Variants in CLYBL observed in about 807,000 individuals in gnomAD.
CLYBL encodes the protein citramalyl-CoA lyase, mitochondrial.
In CLYBL, 31 loss-of-function variants were observed where a neutral mutation model predicts 38.9. The ratio of observed to expected loss-of-function variants is 0.80; its 90% CI spans 0.60 to 1.08. The LOEUF is 1.08. Among genes scored for constraint, CLYBL ranks in the 50% least tolerant of loss-of-function variants. The pLI, the probability that CLYBL is intolerant of heterozygous loss-of-function variation, is 0.00. For missense variants in CLYBL, 434 were observed against 411.6 expected (o/e 1.05, Z -0.47); for synonymous variants, 171 against 158.6 (o/e 1.08, Z -0.59).
chr13:99,715,246 C>T (rs2048294627), intron 1 of CLYBL, among the ~76,000 whole-genome samples: 1 of 152,140 alleles, frequency 6.6e-6, no homozygotes, highest in Non-Finnish European at 1.5e-5. Context: ...TTCACTCAGC[C>T]CGTTTCAGCT....
At chr13:99,890,954 C>T (rs2052473664) in intron 7 of CLYBL, among the ~76,000 whole-genome samples, 1 of 152,072 alleles carries the variant, frequency 6.6e-6, no homozygotes, top group South Asian at 2.1e-4. Flanking sequence ...AATCAGTTGC[C>T]AGAATATATT....
chr13:99,622,996 C>T (rs1251575613), intron 1 of CLYBL, among the ~76,000 whole-genome samples: 1 of 152,110 alleles, frequency 6.6e-6, no homozygotes, highest in African/African-American at 2.4e-5. Flanking sequence ...CCACACCTGG[C>T]TCATTTTTTA....
chr13:99,882,836 G>A (rs1458065679), intron 7 of CLYBL, among the ~76,000 whole-genome samples: 3 of 152,078 alleles, frequency 2.0e-5, no homozygotes, highest in Non-Finnish European at 4.4e-5. Context: ...TAGTTGCCAA[G>A]ACAATCTTCC....
chr13:99,801,447 T>TC (rs1402615137), intron 2 of CLYBL, among the ~76,000 whole-genome samples: 2 of 151,848 alleles, frequency 1.3e-5, no homozygotes, highest in Admixed American at 1.3e-4. Context: ...GGATTTTTTT[T>TC]TTATCAGCCT....
In CLYBL at chr13:99,869,138, G is replaced by A. The variant is rs562018015; in HGVS notation, c.803-1800G>A. On this transcript the variant is annotated intron_variant, in intron 6 of 8. Transcript: ENST00000339105. This position sits in a 1 kb window ranked among gnomAD's most constrained non-coding sequence, Gnocchi z 4.3. ...ACAAAAGAGAACTTCACATATGAACGTTCACACATTTCTAAAACCTAACAT... is the reference window on the plus strand; with the variant it reads ...ACAAAAGAGAACTTCACATATGAACATTCACACATTTCTAAAACCTAACAT... Among the ~76,000 whole-genome samples, 5 of 152,096 alleles carry A rather than the reference G, an allele frequency of 3.3e-5. No individual in the cohort carries two copies. The highest frequency in any genetic ancestry group is 6.5e-5 in the Admixed American group (1 of 15,268).
At chr13:99,753,817 G>A (rs1256321421) in intron 1 of CLYBL, among the ~76,000 whole-genome samples, 2 of 152,040 alleles carry the variant, frequency 1.3e-5, no homozygotes, top group African/African-American at 2.4e-5. Context: ...GGCCGGGCGC[G>A]GTGGCTCATG....
chr13:99,655,480 T>C (rs938933469), intron 1 of CLYBL, among the ~76,000 whole-genome samples: 1 of 152,228 alleles, frequency 6.6e-6, no homozygotes, highest in Non-Finnish European at 1.5e-5. Flanking sequence ...CTCTAGTTGC[T>C]GGGACAGAAA....
chr13:99,708,045 G>T (rs760860644), intron 1 of CLYBL, among the ~76,000 whole-genome samples: 1 of 152,068 alleles, frequency 6.6e-6, no homozygotes, highest in Non-Finnish European at 1.5e-5. Context: ...TTGAAGTGGC[G>T]CAATCTCAGC....
downstream of CLYBL, among the ~76,000 whole-genome samples, chr13:99,897,871 G>A (rs1229491928): frequency 1.3e-5 from 2 of 151,958 alleles, no homozygotes; most frequent in African/African-American, 2.4e-5. Flanking sequence ...CGCTTGACCC[G>A]GGAGGCAGAG....
At chr13:99,783,134 C>T (rs1341318690) in intron 2 of CLYBL, among the ~76,000 whole-genome samples, 1 of 151,898 alleles carries the variant, frequency 6.6e-6, no homozygotes, top group Non-Finnish European at 1.5e-5. Context: ...CCTCCGCCTC[C>T]TGGGTTCAAG....
At chr13:99,632,811 T>C (rs1262779464) in intron 1 of CLYBL, among the ~76,000 whole-genome samples, 1 of 151,792 alleles carries the variant, frequency 6.6e-6, no homozygotes, top group African/African-American at 2.4e-5. Flanking sequence ...AAGTAGATAA[T>C]AGAAGCCAAA....
chr13:99,636,467 C>T (rs1410256883), intron 1 of CLYBL, among the ~76,000 whole-genome samples: 2 of 152,124 alleles, frequency 1.3e-5, no homozygotes, highest in African/African-American at 4.8e-5. Flanking sequence ...CTGGGCAGGG[C>T]CTCCAGTGCC....
At chr13:99,836,538 C>G (rs1047367181) in intron 2 of CLYBL, among the ~76,000 whole-genome samples, 2 of 152,206 alleles carry the variant, frequency 1.3e-5, no homozygotes, top group Admixed American at 1.3e-4. Flanking sequence ...TGTCTAGTAA[C>G]TACCGATTCA....
chr13:99,858,889 C>A lies in CLYBL; in HGVS notation c.278C>A (p.Thr93Asn). The A allele has an allele frequency of 6.2e-7, 1 of 1,609,374 alleles. No individual in the cohort carries two copies. The highest frequency in any genetic ancestry group is 1.7e-4 in the Middle Eastern group (1 of 6,032). Reference protein sequence around the residue: ...KNEARLRIVKTLEDIDLGPTE... With the variant: ...KNEARLRIVKNLEDIDLGPTE... ...GAAGCTCGACTGAGAATTGTAAAAA[C>A]TCTTGAAGACATTGATCTGGGCCCT... Residue 93 changes from threonine (T) to asparagine (N), a missense_variant, in exon 3 of 9, where the codon ACT (threonine) becomes AAT (asparagine). Physicochemically the swap from Thr to Asn is moderately conservative, Grantham distance 65 (BLOSUM62 0). Transcript: ENST00000339105.
intron 2 of CLYBL, among the ~76,000 whole-genome samples, chr13:99,833,415 T>C (rs2050864163): frequency 6.6e-6 from 1 of 152,118 alleles, no homozygotes; most frequent in South Asian, 2.1e-4. Flanking sequence ...AAATGTTATA[T>C]TACATTAGAA....
intron 1 of CLYBL, among the ~76,000 whole-genome samples, chr13:99,624,727 A>T (rs1193834340): frequency 6.6e-6 from 1 of 152,012 alleles, no homozygotes; most frequent in Non-Finnish European, 1.5e-5. Flanking sequence ...TGGCCTAAAG[A>T]TCCTCCCTAG....
At chr13:99,711,686 G>A (rs934645140) in intron 1 of CLYBL, among the ~76,000 whole-genome samples, 2 of 151,846 alleles carry the variant, frequency 1.3e-5, no homozygotes, top group South Asian at 2.1e-4. Context: ...GATTACAGGC[G>A]TGAGCCACCG....
chr13:99,705,243 GCACA>G (rs141979381), intron 1 of CLYBL, among the ~76,000 whole-genome samples: 3 of 149,864 alleles, frequency 2.0e-5, no homozygotes, highest in Admixed American at 1.3e-4. Flanking sequence ...GTGTACACAT[GCACA>G]CACACACACA....
Position 99,643,616 on chromosome 13 carries a change from G to A in CLYBL, c.62+36859G>A, listed in dbSNP as rs537652293. 5.9e-5 allele frequency among the ~76,000 whole-genome samples: 9 copies of A among 152,306 alleles called. 1 individual carries two copies. Among genetic ancestry groups the A allele is most frequent in the East Asian group, 1.9e-4 (1 of 5,188 alleles). ...TACCACTTACTATTCTGTGCGCCTC[G>A]GTTCAGATTGTTTGGGGCAGTGGTG... On this transcript the variant is annotated intron_variant, in intron 1 of 8. Coordinates refer to ENST00000339105, the MANE Select transcript of CLYBL (RefSeq NM_206808.5).
Sources: gnomAD v4.1 joint callset for allele counts (sites outside exome capture counted in the v4.1 genomes callset) on GRCh38, gnomAD v4.1.1 for gene constraint, Gnocchi (gnomAD v3.1) non-coding constraint, MANE v1.5 for transcripts, NCBI Gene and HGNC (gene_info 2026-07-23, HGNC 2026-07-21) for gene names.